TBR1: variants seen among roughly 807,000 people sequenced by gnomAD.
TBR1 encodes the protein T-box brain transcription factor 1, also known as T-box brain protein 1.
In TBR1, 7 loss-of-function variants were observed where a neutral mutation model predicts 60.3. The observed-to-expected ratio is 0.12, with a 90% CI of 0.07 to 0.22. The LOEUF is 0.22. TBR1 is among the 10% of genes least tolerant of loss of function. The pLI, the probability that TBR1 is intolerant of heterozygous loss-of-function variation, is 1.00. For synonymous variants in TBR1, 417 were observed against 409.9 expected, an observed-to-expected ratio of 1.02 and a Z score of -0.21; for missense variants, 616 against 936.8, an observed-to-expected ratio of 0.66 and a Z score of 4.47.
intron 5 of TBR1, chr2:161,420,756 T>G (rs980989272): frequency 3.3e-5 from 5 of 152,712 alleles, no homozygotes; most frequent in Admixed American, 3.3e-4. Flanking sequence ...TTTCCAAGTT[T>G]TGTATAATAG....
rs1684133882 is a variant in TBR1 at position 161,416,932 on chromosome 2, C to T, written c.522C>T (p.Tyr174=). ...CGCAGGGATACCCCACGGCCGGCTA[C>T]CCCTACCCACAGCAGTACGGCCACT... is the stretch of plus-strand genomic sequence containing the variant. ...SSPQGYPTAG[Y]PYPQQYGHSY... is the part of the protein sequence containing the mutation. The change falls in exon 1 of 6, where the codon TAC becomes TAT. Residue 174 remains tyrosine, a synonymous_variant. Transcript: ENST00000389554. The surrounding 1 kb of genome is among the most constrained non-coding windows in gnomAD (Gnocchi z 6.1). The T allele has an allele frequency of 6.2e-7, 1 of 1,614,034 alleles. No individual in the cohort carries two copies. Among genetic ancestry groups the T allele is most frequent in the Non-Finnish European group, 8.5e-7 (1 of 1,180,036 alleles).
chr2:161,423,573 C>G lies in TBR1; in HGVS notation c.1395C>G (p.Asn465Lys). Reference sequence around the variant, plus strand: ...CGGACCGCAGCGTGCCGCACACCAACGGGCTGCTGTCGCCGCAGCAGGCCG... The same window carrying G: ...CGGACCGCAGCGTGCCGCACACCAAGGGGCTGCTGTCGCCGCAGCAGGCCG... The part of the protein sequence containing the change: ...PGTDRSVPHT[N>K]GLLSPQQAED... The change falls in exon 6 of 6, where the codon AAC (asparagine) becomes AAG (lysine). Residue 465 changes from asparagine to lysine, a missense_variant. By Grantham distance (94) the Asn-to-Lys change is moderately conservative. Around this residue, in one of 8 missense-constraint regions of TBR1, gnomAD observed 80 missense variants for 75.3 expected, o/e 1.06. Transcript: ENST00000389554. The G allele has an allele frequency of 6.5e-7, 1 of 1,548,966 alleles. No individual in the cohort carries two copies. Among genetic ancestry groups the G allele is most frequent in the Non-Finnish European group, 8.7e-7 (1 of 1,152,536 alleles).
In TBR1 at chr2:161,424,492, T is replaced by C. The variant is rs1415502233; in HGVS notation, c.*265T>C. 4.8e-6 allele frequency: 2 copies of C among 419,044 alleles called. No individual in the cohort carries two copies. Among genetic ancestry groups the C allele is most frequent in the African/African-American group, 4.0e-5 (2 of 49,644 alleles). The allele number at this position is 419,044 out of a possible 1,614,324, so 26.0% of individuals were successfully genotyped here. The stretch of plus-strand genomic sequence containing the variant: ...TACTTACTCTTCTTCTGTGGAGTTA[T>C]CCTCCTACAATTCCCCTCCCCCTCG... On this transcript the variant is annotated 3_prime_UTR_variant, in exon 6 of 6. Coordinates refer to ENST00000389554, the MANE Select transcript of TBR1 (RefSeq NM_006593.4). This position sits in a 1 kb window ranked among gnomAD's most constrained non-coding sequence, Gnocchi z 4.4.
rs111519280 is a variant in TBR1, at chr2:161,420,030, T to G, written c.1129-166T>G. The G allele has an allele frequency of 5.6e-4, 260 of 467,344 alleles. 2 individuals are homozygous for G. The highest frequency in any genetic ancestry group is 4.5e-3 in the African/African-American group (229 of 50,338). 28.9% of individuals were successfully genotyped at this position (467,344 alleles called of 1,614,324 possible). On this transcript the variant is annotated intron_variant, in intron 4 of 5. Coordinates refer to ENST00000389554, the MANE Select transcript of TBR1 (RefSeq NM_006593.4). The stretch of plus-strand genomic sequence containing the variant: ...CTCATAACTTTCATGATACTTTCTC[T>G]TTTTTTCCTTTCCACTCAATCCCTC...
chr2:161,424,269 A>G lies in TBR1; in HGVS notation c.*42A>G. 6.7e-7 allele frequency: 1 copy of G among 1,493,776 alleles called. No homozygotes were observed. The highest frequency in any genetic ancestry group is 9.0e-7 in the Non-Finnish European group (1 of 1,115,550). 92.5% of individuals were successfully genotyped at this position (1,493,776 alleles called of 1,614,324 possible). On this transcript the variant is annotated 3_prime_UTR_variant, in exon 6 of 6. Coordinates refer to ENST00000389554, the MANE Select transcript of TBR1 (RefSeq NM_006593.4). This position sits in a 1 kb window ranked among gnomAD's most constrained non-coding sequence, Gnocchi z 4.4. The stretch of plus-strand genomic sequence containing the variant: ...CGGCCCCGCCGCGGCCCGGACCCCC[A>G]GCCAGCCCCTCACAGCTCTTCCCCA...
chr2:161,424,314 C>G lies in TBR1; in HGVS notation c.*87C>G. On this transcript the variant is annotated 3_prime_UTR_variant, in exon 6 of 6. Transcript: ENST00000389554. This position sits in a 1 kb window ranked among gnomAD's most constrained non-coding sequence, Gnocchi z 4.4. ...TCCCCAGCTCCGCCTCCCCACACTC[C>G]TCCTTGCGCACCCACTCATTTTATT... is the stretch of plus-strand genomic sequence containing the variant. 7.3e-7 allele frequency: 1 copy of G among 1,363,460 alleles called. No individual in the cohort carries two copies. Among genetic ancestry groups the G allele is most frequent in the African/African-American group, 1.5e-5 (1 of 68,776 alleles). 84.5% of individuals were successfully genotyped at this position (1,363,460 alleles called of 1,614,324 possible).
intron 4 of TBR1, chr2:161,419,312 CTCT>C: frequency 2.3e-6 from 1 of 438,684 alleles, no homozygotes; most frequent in Non-Finnish European, 4.0e-6. Context: ...TTTCTAAAGA[CTCT>C]TCTTTTGGGA....
Position 161,417,304 on chromosome 2 carries a change from T to G in TBR1, c.692+202T>G. ...TGGGGGGGACCCCGTTCTAGGAACA[T>G]AGTGGGAGAGCCAGTCAGTGGCCAG... On this transcript the variant is annotated intron_variant, in intron 1 of 5. Transcript: ENST00000389554. The surrounding 1 kb of genome is among the most constrained non-coding windows in gnomAD (Gnocchi z 5.3). The G allele has an allele frequency of 3.3e-6, 2 of 612,858 alleles. No homozygotes were observed. The highest frequency in any genetic ancestry group is 2.9e-5 in the East Asian group (1 of 34,550). 38.0% of individuals were successfully genotyped at this position (612,858 alleles called of 1,614,324 possible).
chr2:161,420,346 C>A, intron 5 of TBR1, 89 bp downstream of exon 5: 1 of 977,204 alleles, frequency 1.0e-6, no homozygotes, highest in Non-Finnish European at 1.5e-6. Flanking sequence ...ATTTTGAAAG[C>A]TGGAATGTGT....
At position 161,416,617 on chromosome 2, in the gene TBR1, T is replaced by A. The variant is rs140860352; in HGVS notation, c.207T>A (p.Pro69=). 6.2e-7 allele frequency: 1 copy of A among 1,614,098 alleles called. No individual in the cohort carries two copies. Among genetic ancestry groups the A allele is most frequent in the Non-Finnish European group, 8.5e-7 (1 of 1,180,042 alleles). Residue 69 remains proline, a synonymous_variant, in exon 1 of 6, where the codon CCT becomes CCA. Transcript: ENST00000389554. The surrounding 1 kb of genome is among the most constrained non-coding windows in gnomAD (Gnocchi z 6.1). ...ATCAGTCAGATACAGACAATTTTCC[T>A]GACTCCAAGGACTCACCAGGGGACG... ...MTNQSDTDNF[P]DSKDSPGDVQ...
At position 161,417,646 on chromosome 2, in the gene TBR1, T is replaced by C. The variant is rs375624162; in HGVS notation, c.693-30T>C. 120 of 1,589,256 alleles carry C rather than the reference T, an allele frequency of 7.6e-5. No homozygotes were observed. Among genetic ancestry groups the C allele is most frequent in the Non-Finnish European group, 9.8e-5 (115 of 1,170,152 alleles). On this transcript the variant is annotated intron_variant, in intron 1 of 5. Transcript: ENST00000389554. The surrounding 1 kb of genome is among the most constrained non-coding windows in gnomAD (Gnocchi z 5.3). ...AACATTTATGTTTCTTTTTTCCTTG[T>C]TTTCTCCCCCCACCCCTTAATTTAA...
intron 2 of TBR1, 62 bp from the exon 3 acceptor site, chr2:161,418,138 TG>T: frequency 6.7e-7 from 1 of 1,486,592 alleles, no homozygotes; most frequent in Non-Finnish European, 9.1e-7. Context: ...GTGTCCTACG[TG>T]GTGAGGAGCT....
chr2:161,419,208 C>A (rs1684186026), intron 4 of TBR1, 158 bp downstream of exon 4: 11 of 1,045,368 alleles, frequency 1.1e-5, no homozygotes, highest in Admixed American at 3.1e-5. Flanking sequence ...CGGGGCCTGC[C>A]CACGGCACCT....
chr2:161,418,462 C>T (rs1195312370), intron 3 of TBR1, 140 bp downstream of exon 3: 26 of 1,253,246 alleles, frequency 2.1e-5, no homozygotes, highest in Non-Finnish European at 2.8e-5. Context: ...TGTATTTCCA[C>T]CCTCCAAATT....
intron 5 of TBR1, chr2:161,422,078 G>A (rs1416629910): frequency 6.6e-6 from 1 of 152,226 alleles, no homozygotes; most frequent in Non-Finnish European, 1.5e-5. Flanking sequence ...AGAGGGAGAA[G>A]TATAAGGGTT....
chr2:161,417,487 G>T lies in TBR1; in HGVS notation c.693-189G>T. On this transcript the variant is annotated intron_variant, in intron 1 of 5. Transcript: ENST00000389554. The surrounding 1 kb of genome is among the most constrained non-coding windows in gnomAD (Gnocchi z 5.3). ...ACCTTCCCACTCCAGCTCACCCGCC[G>T]CTCTCCCTGATTTGGGTTGCACTTC... The T allele has an allele frequency of 2.6e-6, 2 of 757,870 alleles. No homozygotes were observed. The highest frequency in any genetic ancestry group is 4.1e-6 in the Non-Finnish European group (2 of 484,034). 46.9% of individuals were successfully genotyped at this position (757,870 alleles called of 1,614,324 possible).
At chr2:161,418,690 T>G (rs781096025) in intron 3 of TBR1, 3 of 698,602 alleles carry the variant, frequency 4.3e-6, no homozygotes, top group Non-Finnish European at 6.7e-6. Flanking sequence ...TGCCCCGGCT[T>G]ATCTTCGCTC....
At chr2:161,418,733 G>A (rs2105279568) in intron 3 of TBR1, 159 bp from the exon 4 acceptor site, 1 of 1,025,016 alleles carries the variant, frequency 9.8e-7, no homozygotes, top group East Asian at 2.9e-5. Flanking sequence ...GCCCCAGCCA[G>A]CCAGCCGCCA....
chr2:161,416,333 G>C lies in TBR1; in HGVS notation c.-78G>C. On this transcript the variant is annotated 5_prime_UTR_variant, in exon 1 of 6. Coordinates refer to ENST00000389554, the MANE Select transcript of TBR1 (RefSeq NM_006593.4). The surrounding 1 kb of genome is among the most constrained non-coding windows in gnomAD (Gnocchi z 6.1). ...GAAGTGCTTTCTGTCTAGTGAGGGG[G>C]TCTGTGGATTTCTAGTTTATGATAA... 8.7e-7 allele frequency: 1 copy of C among 1,152,982 alleles called. No homozygotes were observed. Among genetic ancestry groups the C allele is most frequent in the South Asian group, 1.5e-5 (1 of 66,640 alleles). The allele number at this position is 1,152,982 out of a possible 1,614,324, so 71.4% of individuals were successfully genotyped here.
Sources: allele counts gnomAD v4.1 joint callset, GRCh38; gene constraint gnomAD v4.1.1; regional missense constraint gnomAD v4.1.1; non-coding constraint Gnocchi (gnomAD v3.1); transcripts MANE v1.5; gene names NCBI Gene and HGNC (gene_info 2026-07-23, HGNC 2026-07-21).